The following ADD1 variants were observed in gnomAD, a reference collection of about 807,000 sequenced individuals.
The protein encoded by ADD1 is alpha-adducin.
Under a neutral mutation model 80.5 loss-of-function variants are expected in ADD1, and 24 were observed. That is an observed-to-expected ratio of 0.30 (90% confidence interval 0.22 to 0.42). ADD1 has a LOEUF of 0.42. ADD1 is among the 10% of genes least tolerant of loss of function. The pLI is 1.00. For missense variants in ADD1, 948 were observed against 1,019.0 expected (o/e 0.93, Z 0.95); for synonymous variants, 373 against 393.8 (o/e 0.95, Z 0.63).
intron 4 of ADD1, among the ~76,000 whole-genome samples, chr4:2,884,954 A>AAC (rs756952817): frequency 1.3e-5 from 2 of 152,188 alleles, no homozygotes; most frequent in East Asian, 3.8e-4. Flanking sequence ...TATGCTTAAA[A>AAC]ACCTAAGAAT....
chr4:2,844,554 C>T (rs1725888911), intron 1 of ADD1: 2 of 152,186 alleles, frequency 1.3e-5, no homozygotes, highest in South Asian at 2.1e-4. Context: ...GTCACCTTTG[C>T]CCTCCCTCTC....
chr4:2,928,573 C>A lies in ADD1; in HGVS notation c.*50C>A. Reference sequence around the variant, plus strand: ...TCCGGAGCGACCCTGGCTCTGCCAGCGTCCCCGGCCACGTCTGTGCTCTGT... The same window carrying A: ...TCCGGAGCGACCCTGGCTCTGCCAGAGTCCCCGGCCACGTCTGTGCTCTGT... On this transcript the variant is annotated 3_prime_UTR_variant, in exon 16 of 16. Transcript: ENST00000683351. The A allele has an allele frequency of 6.4e-7, 1 of 1,557,514 alleles. No homozygotes were observed. Among genetic ancestry groups the A allele is most frequent in the South Asian group, 1.2e-5 (1 of 85,742 alleles).
rs1737420947 is a variant in ADD1 at position 2,908,390 on chromosome 4, T to C, written c.1609-125T>C. Reference sequence around the variant, plus strand: ...AACACATGGGGCCATCCTGCCTGCGTGGGGCAGTGGGAGAGCTGAAATGTA... The same window carrying C: ...AACACATGGGGCCATCCTGCCTGCGCGGGGCAGTGGGAGAGCTGAAATGTA... On this transcript the variant is annotated intron_variant, in intron 11 of 15. Coordinates refer to ENST00000683351, the MANE Select transcript of ADD1 (RefSeq NM_001354761.2). 3.2e-5 allele frequency: 25 copies of C among 785,420 alleles called. 1 individual carries two copies. The South Asian group carries it at 4.1e-4, about 13-fold the overall frequency. The allele number at this position is 785,420 out of a possible 1,614,324, so 48.7% of individuals were successfully genotyped here.
intron 4 of ADD1, among the ~76,000 whole-genome samples, chr4:2,885,679 G>T (rs555462285): frequency 6.6e-6 from 1 of 151,142 alleles, no homozygotes; most frequent in Non-Finnish European, 1.5e-5. Flanking sequence ...GTGCAATCTC[G>T]GCTCACTGCA....
chr4:2,889,011 C>T (rs1172745610), intron 4 of ADD1, among the ~76,000 whole-genome samples: 2 of 152,096 alleles, frequency 1.3e-5, no homozygotes, highest in Non-Finnish European at 2.9e-5. Flanking sequence ...AACCTGACAG[C>T]ATGCTTCTAA....
rs977345836 is a variant in ADD1 at position 2,874,018 on chromosome 4, C to T, written c.-20-1878C>T. 7.9e-5 allele frequency among the ~76,000 whole-genome samples: 12 copies of T among 151,346 alleles called. No individual in the cohort carries two copies. In the East Asian group the frequency reaches 1.4e-3, roughly 17 times the overall value. On this transcript the variant is annotated intron_variant, in intron 1 of 15. Transcript: ENST00000683351. Reference sequence around the variant, plus strand: ...TGAACCTAGGAGTTTGAGACCAGCCCGGGCAACATAGTGAGACCTCATCTC... The same window carrying T: ...TGAACCTAGGAGTTTGAGACCAGCCTGGGCAACATAGTGAGACCTCATCTC...
intron 14 of ADD1, among the ~76,000 whole-genome samples, chr4:2,924,054 G>A (rs1022393577): frequency 1.3e-5 from 2 of 152,224 alleles, no homozygotes; most frequent in African/African-American, 2.4e-5. Context: ...GTCACAGGCC[G>A]GAGGGTGAAA....
rs760180267 is a variant in ADD1, at chr4:2,928,445, C to G, written c.2322C>G (p.Gly774=). The change falls in exon 16 of 16, where the codon GGC becomes GGG. Residue 774 remains glycine, a synonymous_variant. Coordinates refer to ENST00000683351, the MANE Select transcript of ADD1 (RefSeq NM_001354761.2). ...ACCCTGGCAGCGATGGGTCTCCAGG[C>G]AAGTCCCCGTCCAAAAAGAAGAAGA... ...AADPGSDGSP[G]KSPSKKKKKF... is the part of the protein sequence containing the mutation. 6.8e-6 allele frequency: 11 copies of G among 1,613,524 alleles called. No homozygotes were observed. The African/African-American group carries it at 1.3e-4, about 20-fold the overall frequency.
At chr4:2,856,288 A>T (rs371514833) in intron 1 of ADD1, among the ~76,000 whole-genome samples, 2 of 151,966 alleles carry the variant, frequency 1.3e-5, no homozygotes, top group East Asian at 1.9e-4. Flanking sequence ...ACTGCTCTCT[A>T]CTTTTGTTGT....
intron 1 of ADD1, among the ~76,000 whole-genome samples, chr4:2,858,586 A>C (rs1047761661): frequency 2.6e-5 from 4 of 152,220 alleles, no homozygotes; most frequent in African/African-American, 9.6e-5. Context: ...GTGATACCAG[A>C]CAGATTTTGG....
rs762462676 is a variant in ADD1 at position 2,915,040 on chromosome 4, G to A, written c.1948G>A (p.Glu650Lys). The change falls in exon 14 of 16, where the codon GAG becomes AAG. Residue 650 changes from glutamate to lysine, a missense_variant and splice_region_variant. Glu to Lys is a moderately conservative substitution (Grantham distance 56). Transcript: ENST00000683351. ...GGAGAGGAAGCAGAAGGGCTCTGAAGGTGAGTGCTTGTGGTCCTGGGCACG... is the reference window on the plus strand; with the variant it reads ...GGAGAGGAAGCAGAAGGGCTCTGAAAGTGAGTGCTTGTGGTCCTGGGCACG... ...EVERKQKGSE[E>K]NLDEAREQKE... 5.6e-6 allele frequency: 9 copies of A among 1,610,602 alleles called. No individual in the cohort carries two copies. The highest frequency in any genetic ancestry group is 7.6e-6 in the Non-Finnish European group (9 of 1,178,172).
rs111981818 is a variant in ADD1, at chr4:2,897,921, A to G, written c.742-263A>G. ...ATTGTATAATTAAATCCAGGTTTAC[A>G]TAGCACTTATATCAGTGGGAAAAAG... is the stretch of plus-strand genomic sequence containing the variant. On this transcript the variant is annotated intron_variant, in intron 6 of 15. Transcript: ENST00000683351. 5.4e-3 allele frequency among the ~76,000 whole-genome samples: 830 copies of G among 152,310 alleles called. 2 individuals are homozygous for G. The highest frequency in any genetic ancestry group is 8.9e-3 in the Non-Finnish European group (608 of 68,030).
intron 1 of ADD1, among the ~76,000 whole-genome samples, chr4:2,856,080 G>A (rs1480177972): frequency 1.4e-5 from 2 of 147,064 alleles, no homozygotes; most frequent in African/African-American, 2.5e-5. Context: ...AAATAGAGAC[G>A]AGTCTTACTA....
chr4:2,862,697 G>T (rs1342608811), intron 1 of ADD1, among the ~76,000 whole-genome samples: 1 of 152,028 alleles, frequency 6.6e-6, no homozygotes, highest in African/African-American at 2.4e-5. Flanking sequence ...CCCACCCCCT[G>T]GACTCCCAGT....
intron 6 of ADD1, among the ~76,000 whole-genome samples, chr4:2,897,968 T>A (rs1735540463): frequency 6.6e-6 from 1 of 152,212 alleles, no homozygotes; most frequent in Non-Finnish European, 1.5e-5. Context: ...GTGGATTTTC[T>A]TTTGAGGCTC....
rs1460182993 is a variant in ADD1 at position 2,929,735 on chromosome 4, G to A, written c.*1212G>A. On this transcript the variant is annotated 3_prime_UTR_variant, in exon 16 of 16. Coordinates refer to ENST00000683351, the MANE Select transcript of ADD1 (RefSeq NM_001354761.2). ...CGGATCCCACTGATTGGCCAGCCGA[G>A]CGAGAACCAGGCTGCTGCATGGCAC... 6.6e-6 allele frequency: 1 copy of A among 152,392 alleles called. No individual in the cohort carries two copies. The highest frequency in any genetic ancestry group is 2.4e-5 in the African/African-American group (1 of 41,480). 9.4% of individuals were successfully genotyped at this position (152,392 alleles called of 1,614,324 possible).
intron 1 of ADD1, among the ~76,000 whole-genome samples, chr4:2,862,445 C>T (rs575560409): frequency 2.0e-5 from 3 of 152,230 alleles, no homozygotes; most frequent in Admixed American, 6.5e-5. Context: ...TGAACTGTCT[C>T]AATGCTTAAA....
At chr4:2,851,449 G>T (rs1727059049) in intron 1 of ADD1, among the ~76,000 whole-genome samples, 1 of 152,146 alleles carries the variant, frequency 6.6e-6, no homozygotes, top group African/African-American at 2.4e-5. Context: ...CAGGCCTTAA[G>T]AGGGAAAGAC....
chr4:2,855,604 A>G (rs1292141231), intron 1 of ADD1, among the ~76,000 whole-genome samples: 1 of 151,118 alleles, frequency 6.6e-6, no homozygotes, highest in Non-Finnish European at 1.5e-5. Flanking sequence ...CTCAAGTTAC[A>G]TGCTGCTGTT....
Sources: allele counts gnomAD v4.1 joint callset (sites outside exome capture counted in the v4.1 genomes callset), GRCh38; gene constraint gnomAD v4.1.1; transcripts MANE v1.5; gene names NCBI Gene and HGNC (gene_info 2026-07-23, HGNC 2026-07-21).